Variants in PDE1C observed in about 807,000 individuals in gnomAD.
The protein encoded by PDE1C is dual specificity calcium/calmodulin-dependent 3',5'-cyclic nucleotide phosphodiesterase 1C.
Under a neutral mutation model 93.1 loss-of-function variants are expected in PDE1C, and 62 were observed. The observed-to-expected ratio is 0.67, with a 90% CI of 0.54 to 0.82. The LOEUF is 0.82. Ranked by LOEUF, PDE1C falls within the 40% of genes least tolerant of loss-of-function variation. The pLI, the probability that PDE1C is intolerant of heterozygous loss-of-function variation, is 0.00. For missense variants in PDE1C, 742 were observed against 884.6 expected (o/e 0.84, Z 2.04); for synonymous variants, 325 against 310.1 (o/e 1.05, Z -0.50).
At chr7:31,824,378 A>C (rs1789396428) in intron 13 of PDE1C, among the ~76,000 whole-genome samples, 1 of 152,108 alleles carries the variant, frequency 6.6e-6, no homozygotes, top group South Asian at 2.1e-4. Flanking sequence ...TTGCACAGCT[A>C]GTAAGTGATG....
At chr7:32,329,388 G>A (rs1302617869) in intron 1 of PDE1C, among the ~76,000 whole-genome samples, 6 of 152,226 alleles carry the variant, frequency 3.9e-5, no homozygotes, top group East Asian at 1.9e-4. Flanking sequence ...TTATGGAGGC[G>A]ATAGACCCTG....
the PDE1C span, among the ~76,000 whole-genome samples, chr7:31,639,534 TTTTG>T: frequency 5.0e-5 from 1 of 20,006 alleles, no homozygotes; most frequent in African/African-American, 4.1e-4. Context: ...GTTTGTTTGT[TTTTG>T]TTTTTTTTTT....
intron 1 of PDE1C, among the ~76,000 whole-genome samples, chr7:32,400,065 G>C (rs2128095234): frequency 6.6e-6 from 1 of 152,308 alleles, no homozygotes; most frequent in South Asian, 2.1e-4. Context: ...GTCCCATAAA[G>C]TAGGTAGAGC....
chr7:32,133,307 T>G (rs1270861094), intron 3 of PDE1C, among the ~76,000 whole-genome samples: 1 of 152,176 alleles, frequency 6.6e-6, no homozygotes, highest in Non-Finnish European at 1.5e-5. Context: ...CTGAAGGCTC[T>G]GGAGACTAGA....
At position 31,980,891 on chromosome 7, in the gene PDE1C, C is replaced by T. The variant is rs185529901; in HGVS notation, c.128+70663G>A. ...CTCTCTTGGTCTCTGGCTCTCCTGC[C>T]TCTCACTTATAAGCAGCCCTGCGAT... On this transcript the variant is annotated intron_variant, in intron 2 of 17. Transcript: ENST00000396191. 4.5e-3 allele frequency among the ~76,000 whole-genome samples: 681 copies of T among 152,262 alleles called. 3 individuals carry two copies. The highest frequency in any genetic ancestry group is 0.02 in the Admixed American group (301 of 15,294).
At chr7:31,810,409 C>T (rs1438822021) in intron 15 of PDE1C, among the ~76,000 whole-genome samples, 1 of 151,994 alleles carries the variant, frequency 6.6e-6, no homozygotes, top group Non-Finnish European at 1.5e-5. Context: ...TTTATTTGTG[C>T]CAGGCAGTAT....
intron 2 of PDE1C, among the ~76,000 whole-genome samples, chr7:32,023,384 C>A (rs184971504): frequency 2.0e-5 from 3 of 152,106 alleles, no homozygotes; most frequent in African/African-American, 7.2e-5. Context: ...ACTCCCTCTA[C>A]AATCTGATGA....
At position 31,797,064 on chromosome 7, in the gene PDE1C, CT is replaced by C. The variant is rs554055048; in HGVS notation, c.1891+11966del. Among the ~76,000 whole-genome samples the C allele has an allele frequency of 5.1e-3, 772 of 151,782 alleles. 1 individual carries two copies. Among genetic ancestry groups the C allele is most frequent in the Non-Finnish European group, 8.4e-3 (570 of 67,772 alleles). Reference sequence around the variant, plus strand: ...AGGTTGTAACTGCTTTAGAAAACACCTGCTAAACCATGGCATTTCCTTACTA... The same window carrying C: ...AGGTTGTAACTGCTTTAGAAAACACCGCTAAACCATGGCATTTCCTTACTA... On this transcript the variant is annotated intron_variant, in intron 16 of 17. Coordinates refer to ENST00000396191, the MANE Select transcript of PDE1C (RefSeq NM_001191057.4).
chr7:31,962,353 G>T (rs1809119932), intron 2 of PDE1C, among the ~76,000 whole-genome samples: 1 of 152,186 alleles, frequency 6.6e-6, no homozygotes, highest in African/African-American at 2.4e-5. Context: ...GTCCTTTAGT[G>T]CTACTTGCAA....
At chr7:31,707,291 T>A in the PDE1C span, 1 of 1,610,194 alleles carries the variant, frequency 6.2e-7, no homozygotes, top group Non-Finnish European at 8.5e-7. Flanking sequence ...TAAAGATAGT[T>A]CCCCTGAGAC....
intron 2 of PDE1C, among the ~76,000 whole-genome samples, chr7:31,981,275 T>C (rs1812334900): frequency 6.6e-6 from 1 of 152,194 alleles, no homozygotes; most frequent in Non-Finnish European, 1.5e-5. Flanking sequence ...TAGAAAAGAA[T>C]TTTTAAATCT....
intron 1 of PDE1C, among the ~76,000 whole-genome samples, chr7:32,061,914 C>T (rs916759209): frequency 1.3e-5 from 2 of 152,196 alleles, no homozygotes; most frequent in South Asian, 2.1e-4. Flanking sequence ...TCTCTACTTA[C>T]AAAATTTATA....
At chr7:32,181,559 T>C (rs1341101777) in intron 2 of PDE1C, among the ~76,000 whole-genome samples, 2 of 152,062 alleles carry the variant, frequency 1.3e-5, no homozygotes, top group African/African-American at 4.8e-5. Flanking sequence ...ACTGGGTACA[T>C]AACGAAATGA....
chr7:32,080,485 G>C (rs1289092337), intron 3 of PDE1C, among the ~76,000 whole-genome samples: 1 of 152,164 alleles, frequency 6.6e-6, no homozygotes, highest in Non-Finnish European at 1.5e-5. Context: ...TGAAGATGTG[G>C]AGCTACTCAG....
the PDE1C span, chr7:31,651,231 G>T: frequency 9.9e-6 from 16 of 1,613,514 alleles, no homozygotes; most frequent in Admixed American, 2.2e-4. Flanking sequence ...TTATGGGACA[G>T]CAGGCCCTCT....
chr7:31,619,011 C>A, the PDE1C span, among the ~76,000 whole-genome samples: 1 of 152,196 alleles, frequency 6.6e-6, no homozygotes, highest in Non-Finnish European at 1.5e-5. Context: ...TACATTGTGT[C>A]TGAGAGAGGA....
At chr7:32,268,624 A>T (rs1042799290) in intron 1 of PDE1C, among the ~76,000 whole-genome samples, 4 of 152,300 alleles carry the variant, frequency 2.6e-5, no homozygotes, top group African/African-American at 9.6e-5. Flanking sequence ...TCAAAGAGAA[A>T]ATGAGGGAAA....
At chr7:32,189,034 A>G (rs1804061799) in intron 2 of PDE1C, among the ~76,000 whole-genome samples, 1 of 152,220 alleles carries the variant, frequency 6.6e-6, no homozygotes, top group South Asian at 2.1e-4. Context: ...GCAAAGCATT[A>G]CATCTGTCCT....
At chr7:32,224,213 A>T (rs1807085085) in intron 1 of PDE1C, among the ~76,000 whole-genome samples, 1 of 152,164 alleles carries the variant, frequency 6.6e-6, no homozygotes, top group Non-Finnish European at 1.5e-5. Context: ...TCTCTACTAA[A>T]ATTACAAAAA....
Sources: gnomAD v4.1 joint callset for allele counts (sites outside exome capture counted in the v4.1 genomes callset) on GRCh38, gnomAD v4.1.1 for gene constraint, MANE v1.5 for transcripts, NCBI Gene and HGNC (gene_info 2026-07-23, HGNC 2026-07-21) for gene names.